DST: variants seen among roughly 807,000 people sequenced by gnomAD.
The protein encoded by DST is bullous pemphigoid antigen.
Under a neutral mutation model 875.2 loss-of-function variants are expected in DST, and 253 were observed. That is an observed-to-expected ratio of 0.29 (90% CI 0.26 to 0.32). DST has a LOEUF of 0.32. Ranked by LOEUF, DST falls within the 10% of genes least tolerant of loss-of-function variation. DST has a pLI of 1.00. For synonymous variants in DST, 3,124 were observed against 3,197.1 expected (o/e 0.98, Z 0.77); for missense variants, 8,287 against 9,111.6 (o/e 0.91, Z 3.68).
chr6:56,623,665 A>C (rs1393581024), intron 36 of DST, among the ~76,000 whole-genome samples: 1 of 152,168 alleles, frequency 6.6e-6, no homozygotes, highest in African/African-American at 2.4e-5. Context: ...TAGAATTTCA[A>C]CAACAGTCCA....
At chr6:56,836,609 G>A (rs960028119) in intron 4 of DST, among the ~76,000 whole-genome samples, 3 of 152,018 alleles carry the variant, frequency 2.0e-5, no homozygotes, top group African/African-American at 7.2e-5. Flanking sequence ...CCAGCACTTT[G>A]GGAGGCCGAG....
intron 3 of DST, among the ~76,000 whole-genome samples, chr6:56,882,414 T>C (rs1297841736): frequency 6.6e-6 from 1 of 152,250 alleles, no homozygotes; most frequent in Non-Finnish European, 1.5e-5. Flanking sequence ...AATGCCTATT[T>C]ATAATAGGGC....
chr6:56,557,322 C>CA lies in DST; in HGVS notation c.14636dup (p.Gln4880AlafsTer15). 1 of 1,612,504 alleles carries CA rather than the reference C, an allele frequency of 6.2e-7. No individual in the cohort carries two copies. The highest frequency in any genetic ancestry group is 8.5e-7 in the Non-Finnish European group (1 of 1,179,400). On this transcript the variant is annotated frameshift_variant, in exon 59 of 104. Coordinates refer to ENST00000680361, the MANE Select transcript of DST (RefSeq NM_001374736.1). LOFTEE classifies it high-confidence loss of function. Reference sequence around the variant, plus strand: ...CAGGTTATTAGGTAATACTCACCTGCACCTGCTGCCTTTGTGTGTTTAGCA... The same window carrying CA: ...CAGGTTATTAGGTAATACTCACCTGCAACCTGCTGCCTTTGTGTGTTTAGCA...
At chr6:56,463,880 A>G in intron 100 of DST, 116 bp from the exon 101 acceptor site, 1 of 1,124,504 alleles carries the variant, frequency 8.9e-7, no homozygotes, top group Non-Finnish European at 1.3e-6. Context: ...GAATTTCAAG[A>G]ACATCTTTTT....
intron 4 of DST, among the ~76,000 whole-genome samples, chr6:56,768,977 A>G (rs1295284142): frequency 6.6e-6 from 1 of 152,174 alleles, no homozygotes; most frequent in Non-Finnish European, 1.5e-5. Flanking sequence ...AGATCACACC[A>G]CTGCACTCCA....
chr6:56,651,228 T>C lies in DST; in HGVS notation c.1231A>G (p.Met411Val). The C allele has an allele frequency of 6.2e-7, 1 of 1,606,874 alleles. No homozygotes were observed. Among genetic ancestry groups the C allele is most frequent in the East Asian group, 2.2e-5 (1 of 44,738 alleles). Reference protein sequence around the residue: ...IHKYRPDLIDMNTVAVQSNLA... With the variant: ...IHKYRPDLIDVNTVAVQSNLA... ...TTGCTTTGAACAGCAACAGTATTCATATCTATCAGGTCCGGCCTAGGAAAA... is the reference window on the plus strand; with the variant it reads ...TTGCTTTGAACAGCAACAGTATTCACATCTATCAGGTCCGGCCTAGGAAAA... Residue 411 changes from methionine (M) to valine (V), a missense_variant, in exon 11 of 104, where the codon ATG becomes GTG. By Grantham distance (21) the Met-to-Val change is conservative. Coordinates refer to ENST00000680361, the MANE Select transcript of DST (RefSeq NM_001374736.1).
chr6:56,529,309 T>G, intron 66 of DST, 139 bp downstream of exon 66: 1 of 693,964 alleles, frequency 1.4e-6, no homozygotes, highest in Non-Finnish European at 2.2e-6. Context: ...TCATTAAAAG[T>G]AATCTGTATA....
chr6:56,613,361 T>C (rs16888061), intron 37 of DST, among the ~76,000 whole-genome samples: 4,676 of 152,222 alleles, frequency 0.031, 210 homozygotes, highest in African/African-American at 0.1. Flanking sequence ...TGTAAACTTC[T>C]CCAAGAAAGA....
chr6:56,760,660 T>A (rs2099614967), intron 4 of DST, among the ~76,000 whole-genome samples: 1 of 152,220 alleles, frequency 6.6e-6, no homozygotes, highest in Non-Finnish European at 1.5e-5. Flanking sequence ...GATTTTCCCT[T>A]ATTCTGTCAA....
At chr6:56,747,938 C>A (rs1278029716) in intron 4 of DST, among the ~76,000 whole-genome samples, 1 of 151,846 alleles carries the variant, frequency 6.6e-6, no homozygotes, top group Non-Finnish European at 1.5e-5. Flanking sequence ...ATACAAGATA[C>A]CTTCAAAATT....
Position 56,482,896 on chromosome 6 carries a change from G to GA in DST, c.21208-20dup, listed in dbSNP as rs1420320310. ...GGAAGGCCTAAGAAGACCATATTTTGAAAAATTAATTTTAATTACAAAACC... is the reference window on the plus strand; with the variant it reads ...GGAAGGCCTAAGAAGACCATATTTTGAAAAAATTAATTTTAATTACAAAACC... On this transcript the variant is annotated intron_variant, in intron 88 of 103. Transcript: ENST00000680361. The GA allele has an allele frequency of 6.9e-7, 1 of 1,458,584 alleles. No individual in the cohort carries two copies. Among genetic ancestry groups the GA allele is most frequent in the African/African-American group, 1.4e-5 (1 of 69,828 alleles). The allele number at this position is 1,458,584 out of a possible 1,614,324, so 90.4% of individuals were successfully genotyped here. A position where few individuals can be genotyped will look rare whatever the true frequency, so the allele number is the denominator to read the frequency against.
At chr6:56,695,687 C>T (rs2099259528) in intron 9 of DST, among the ~76,000 whole-genome samples, 1 of 152,220 alleles carries the variant, frequency 6.6e-6, no homozygotes, top group Non-Finnish European at 1.5e-5. Flanking sequence ...CAATATACTT[C>T]ATTACCTTAG....
chr6:56,949,709 T>C (rs758999935), intron 2 of DST, among the ~76,000 whole-genome samples: 1 of 152,240 alleles, frequency 6.6e-6, no homozygotes, highest in Non-Finnish European at 1.5e-5. Context: ...TAAATTAATT[T>C]AGACCTAAAA....
At chr6:56,612,214 T>C (rs1361528701) in intron 37 of DST, among the ~76,000 whole-genome samples, 4 of 151,874 alleles carry the variant, frequency 2.6e-5, no homozygotes, top group Non-Finnish European at 5.9e-5. Flanking sequence ...CTATGAAAAA[T>C]ACAAAAAGTA....
chr6:56,591,380 C>T (rs933153278), intron 49 of DST, among the ~76,000 whole-genome samples: 3 of 152,160 alleles, frequency 2.0e-5, no homozygotes, highest in African/African-American at 7.2e-5. Context: ...TAATCCTGGT[C>T]CTTAGAACCG....
At chr6:56,850,205 A>C (rs1764369186) in intron 4 of DST, among the ~76,000 whole-genome samples, 1 of 152,180 alleles carries the variant, frequency 6.6e-6, no homozygotes, top group Non-Finnish European at 1.5e-5. Flanking sequence ...AGCGGAAGCC[A>C]GAAGAAGCTC....
intron 39 of DST, among the ~76,000 whole-genome samples, chr6:56,609,818 C>T (rs1386693303): frequency 6.6e-6 from 1 of 152,058 alleles, no homozygotes; most frequent in Admixed American, 6.6e-5. Flanking sequence ...TTGTTACATA[C>T]CCCCAAAATG....
chr6:56,596,160 C>A (rs9370540), intron 47 of DST, among the ~76,000 whole-genome samples: 54,118 of 151,692 alleles, frequency 0.36, 9,990 homozygotes, highest in Admixed American at 0.42. Context: ...TCCCAAGTAG[C>A]TGGGATTACA....
Position 56,577,892 on chromosome 6 carries a change from G to T in DST, c.13027+922C>A, listed in dbSNP as rs746553938. Among the ~76,000 whole-genome samples, 5 of 152,094 alleles carry T rather than the reference G, an allele frequency of 3.3e-5. No individual in the cohort carries two copies. The South Asian group carries it at 1.0e-3, about 32-fold the overall frequency. ...TTAGATAGAAAGATAATATACAATA[G>T]CTCTTTTCTCAAGAAACACATTAAT... On this transcript the variant is annotated intron_variant, in intron 50 of 103. Transcript: ENST00000680361.
Sources: allele counts gnomAD v4.1 joint callset (sites outside exome capture counted in the v4.1 genomes callset), GRCh38; gene constraint gnomAD v4.1.1; transcripts MANE v1.5; gene names NCBI Gene and HGNC (gene_info 2026-07-23, HGNC 2026-07-21).